NUAK1: variants seen among roughly 807,000 people sequenced by gnomAD.
NUAK1 encodes the protein NUAK family kinase 1.
A neutral mutation model predicts 56.9 loss-of-function variants in NUAK1; 26 were observed. That is an observed-to-expected ratio of 0.46 (90% CI 0.33 to 0.63). The LOEUF (loss-of-function observed/expected upper bound fraction) is 0.63. NUAK1 is among the 30% of genes least tolerant of loss of function. The pLI, the probability that NUAK1 is intolerant of heterozygous loss-of-function variation, is 0.02. For synonymous variants in NUAK1, 337 were observed against 336.0 expected (o/e 1.00, Z -0.03); for missense variants, 727 against 876.1 (o/e 0.83, Z 2.15).
intron 6 of NUAK1, 48 bp from the exon 7 acceptor site, chr12:106,068,003 G>A (rs1216633238): frequency 1.3e-6 from 2 of 1,545,190 alleles, no homozygotes; most frequent in Non-Finnish European, 1.7e-6. Context: ...GGGAGCTTCT[G>A]GCTTTGTGAT....
At chr12:106,082,578 G>A (rs1020481289) in intron 4 of NUAK1, among the ~76,000 whole-genome samples, 2 of 152,286 alleles carry the variant, frequency 1.3e-5, no homozygotes, top group Middle Eastern at 3.4e-3. Context: ...CACTTTGCCA[G>A]AAATAGACCC....
intron 1 of NUAK1, among the ~76,000 whole-genome samples, chr12:106,133,135 A>G (rs2033096362): frequency 6.6e-6 from 1 of 151,992 alleles, no homozygotes; most frequent in African/African-American, 2.4e-5. Flanking sequence ...TACCTTACCA[A>G]TCCTGCCCTC....
At chr12:106,106,355 A>T in intron 2 of NUAK1, 50 bp downstream of exon 2, 1 of 1,514,092 alleles carries the variant, frequency 6.6e-7, no homozygotes, top group African/African-American at 1.4e-5. Context: ...GCCCCATGGT[A>T]TGAGAAATGG....
At chr12:106,111,632 A>C (rs1336874323) in intron 1 of NUAK1, among the ~76,000 whole-genome samples, 2 of 152,130 alleles carry the variant, frequency 1.3e-5, no homozygotes, top group Non-Finnish European at 2.9e-5. Context: ...CTGGGTATCC[A>C]GCCTGGGATT....
At chr12:106,120,782 G>T (rs558956025) in intron 1 of NUAK1, among the ~76,000 whole-genome samples, 2 of 152,328 alleles carry the variant, frequency 1.3e-5, no homozygotes, top group South Asian at 4.1e-4. Flanking sequence ...CAGGTCCAGT[G>T]CAATGGCTTC....
At chr12:106,125,394 G>T (rs1248341573) in intron 1 of NUAK1, among the ~76,000 whole-genome samples, 2 of 152,208 alleles carry the variant, frequency 1.3e-5, no homozygotes, top group African/African-American at 4.8e-5. Flanking sequence ...TCCAACAGTG[G>T]TTGTAATCAT....
chr12:106,117,477 G>C (rs2032929217), intron 1 of NUAK1, among the ~76,000 whole-genome samples: 1 of 152,198 alleles, frequency 6.6e-6, no homozygotes, highest in African/African-American at 2.4e-5. Context: ...TGTTGCTGCT[G>C]CTTCTCTCTC....
chr12:106,130,547 A>G (rs113903615), intron 1 of NUAK1, among the ~76,000 whole-genome samples: 1,589 of 152,352 alleles, frequency 0.01, 31 homozygotes, highest in African/African-American at 0.035. Flanking sequence ...CTTCAGCCAC[A>G]GAGTATTGAC....
intron 2 of NUAK1, among the ~76,000 whole-genome samples, chr12:106,089,432 C>T (rs1008839832): frequency 6.6e-6 from 1 of 152,164 alleles, no homozygotes; most frequent in East Asian, 1.9e-4. Flanking sequence ...CAATACAGTC[C>T]AATACACCAA....
chr12:106,087,020 C>T (rs1411231191), intron 2 of NUAK1, 135 bp from the exon 3 acceptor site: 2 of 1,121,990 alleles, frequency 1.8e-6, no homozygotes, highest in East Asian at 2.5e-5. Context: ...CACAAATCAG[C>T]CAATTCAGCA....
At position 106,086,660 on chromosome 12, in the gene NUAK1, T is replaced by C. The variant is rs751370025; in HGVS notation, c.513+74A>G. ...TGCTCCCATGAACAGATATCACTTTTATAATAGGAAAAAAATCATGCAGTG... is the reference window on the plus strand; with the variant it reads ...TGCTCCCATGAACAGATATCACTTTCATAATAGGAAAAAAATCATGCAGTG... On this transcript the variant is annotated intron_variant, in intron 3 of 6. Transcript: ENST00000261402. 644 of 1,492,094 alleles carry C rather than the reference T, an allele frequency of 4.3e-4. 5 individuals are homozygous for C. Among genetic ancestry groups the C allele is most frequent in the Non-Finnish European group, 7.3e-5 (81 of 1,105,056 alleles). 92.4% of individuals were successfully genotyped at this position (1,492,094 alleles called of 1,614,324 possible).
chr12:106,100,310 T>A (rs117478317), intron 2 of NUAK1, among the ~76,000 whole-genome samples: 1 of 151,960 alleles, frequency 6.6e-6, no homozygotes, highest in Non-Finnish European at 1.5e-5. Context: ...CTTCTCCTAC[T>A]ACCCTTCTCC....
At chr12:106,124,953 C>T (rs1387583816) in intron 1 of NUAK1, among the ~76,000 whole-genome samples, 4 of 151,872 alleles carry the variant, frequency 2.6e-5, no homozygotes, top group Non-Finnish European at 5.9e-5. Flanking sequence ...GCCGAGATCA[C>T]GCCACTGCAC....
In NUAK1 at chr12:106,138,281, T is replaced by G. The variant is rs1036639088; in HGVS notation, c.240+133A>C. On this transcript the variant is annotated intron_variant, in intron 1 of 6. Coordinates refer to ENST00000261402, the MANE Select transcript of NUAK1 (RefSeq NM_014840.3). The surrounding 1 kb of genome is among the most constrained non-coding windows in gnomAD (Gnocchi z 5.0). ...TGCTGGAGAAAGAGTGAGGAGTCTG[T>G]CTCGGGGCTTCCCAATGAGCCCCCT... 6 of 1,238,954 alleles carry G rather than the reference T, an allele frequency of 4.8e-6. No homozygotes were observed. Among genetic ancestry groups the G allele is most frequent in the African/African-American group, 1.5e-5 (1 of 65,846 alleles). 76.7% of individuals were successfully genotyped at this position (1,238,954 alleles called of 1,614,324 possible).
chr12:106,069,131 T>C (rs555229137), intron 6 of NUAK1, among the ~76,000 whole-genome samples: 1 of 152,194 alleles, frequency 6.6e-6, no homozygotes, highest in Non-Finnish European at 1.5e-5. Flanking sequence ...TGATTATCCA[T>C]AGAGTCTGTA....
rs773589766 is a variant in NUAK1, at chr12:106,067,077, C to T, written c.1711G>A (p.Val571Ile). 8.1e-6 allele frequency: 13 copies of T among 1,614,116 alleles called. No individual in the cohort carries two copies. Among genetic ancestry groups the T allele is most frequent in the African/African-American group, 1.3e-5 (1 of 74,946 alleles). The change falls in exon 7 of 7, where the codon GTC becomes ATC. Residue 571 changes from valine (V) to isoleucine (I), a missense_variant. Transcript: ENST00000261402. The surrounding 1 kb of genome is among the most constrained non-coding windows in gnomAD (Gnocchi z 6.0). Reference sequence around the variant, plus strand: ...GACAGCACGCTGTCATCGCTGATGACACTGGAAGGGCGGCTGTAGCTCCGG... The same window carrying T: ...GACAGCACGCTGTCATCGCTGATGATACTGGAAGGGCGGCTGTAGCTCCGG... Reference protein sequence around the residue: ...LSRSYSRPSSVISDDSVLSSD... With the variant: ...LSRSYSRPSSIISDDSVLSSD...
chr12:106,080,842 C>T (rs529004994), intron 4 of NUAK1, among the ~76,000 whole-genome samples: 15 of 152,300 alleles, frequency 9.8e-5, no homozygotes, highest in South Asian at 2.1e-4. Context: ...GTTCGTGGCT[C>T]GTGTGTCTGT....
At chr12:106,115,567 T>C (rs1181638266) in intron 1 of NUAK1, among the ~76,000 whole-genome samples, 2 of 152,336 alleles carry the variant, frequency 1.3e-5, no homozygotes, top group Admixed American at 6.5e-5. Context: ...GAAGCTCTCA[T>C]TGTCCATTAT....
At chr12:106,072,671 T>A (rs2032418181) in intron 5 of NUAK1, 53 bp downstream of exon 5, 3 of 1,559,630 alleles carry the variant, frequency 1.9e-6, no homozygotes, top group Non-Finnish European at 2.6e-6. Flanking sequence ...TTGCCCTTCC[T>A]CCCTCTTCTC....
Sources: gnomAD v4.1 joint callset for allele counts (sites outside exome capture counted in the v4.1 genomes callset) on GRCh38, gnomAD v4.1.1 for gene constraint, Gnocchi (gnomAD v3.1) non-coding constraint, MANE v1.5 for transcripts, NCBI Gene and HGNC (gene_info 2026-07-23, HGNC 2026-07-21) for gene names.